The following SGCZ variants were observed in gnomAD, a reference collection of about 807,000 sequenced individuals.
SGCZ encodes sarcoglycan zeta.
In SGCZ, 40 loss-of-function variants were observed where a neutral mutation model predicts 41.3. The observed-to-expected ratio is 0.97, with a 90% confidence interval of 0.75 to 1.26. The LOEUF (loss-of-function observed/expected upper bound fraction) is 1.26. Among genes scored for constraint, SGCZ ranks in the 50% most tolerant of loss-of-function variants. The pLI, the probability that SGCZ is intolerant of heterozygous loss-of-function variation, is 0.00. For synonymous variants in SGCZ, 206 were observed against 137.5 expected, an observed-to-expected ratio of 1.50 and a Z score of -3.49; for missense variants, 552 against 369.8, an observed-to-expected ratio of 1.49 and a Z score of -4.04.
At chr8:14,729,110 C>T (rs988955795) in intron 1 of SGCZ, among the ~76,000 whole-genome samples, 1 of 152,092 alleles carries the variant, frequency 6.6e-6, no homozygotes, top group East Asian at 1.9e-4. Context: ...CCTTAAGAAA[C>T]CCATTCTATC....
chr8:14,139,115 C>G (rs1391992475), intron 5 of SGCZ, among the ~76,000 whole-genome samples: 2 of 152,018 alleles, frequency 1.3e-5, no homozygotes, highest in East Asian at 1.9e-4. Flanking sequence ...GAAATGAAGG[C>G]AGAAATAAAG....
At chr8:14,587,325 C>T (rs541868864) in intron 1 of SGCZ, among the ~76,000 whole-genome samples, 155 of 150,664 alleles carry the variant, frequency 1.0e-3, no homozygotes, top group African/African-American at 3.5e-3. Context: ...TTGTAAAATG[C>T]GTTCCACGAA....
At chr8:15,109,539 T>G (rs1359077795) in intron 1 of SGCZ, among the ~76,000 whole-genome samples, 1 of 152,126 alleles carries the variant, frequency 6.6e-6, no homozygotes, top group Non-Finnish European at 1.5e-5. Context: ...AATTGCAAAT[T>G]TGAATAACAT....
At chr8:14,092,334 G>C (rs190118166) in intron 7 of SGCZ, among the ~76,000 whole-genome samples, 124 of 152,090 alleles carry the variant, frequency 8.2e-4, no homozygotes, top group Non-Finnish European at 1.7e-3. Context: ...ATTTAAAGTA[G>C]TTTTTTCCAG....
intron 2 of SGCZ, among the ~76,000 whole-genome samples, chr8:14,448,950 A>G (rs1800512923): frequency 6.6e-6 from 1 of 152,238 alleles, no homozygotes; most frequent in Non-Finnish European, 1.5e-5. Context: ...AAGATTAATG[A>G]GAATGACCAC....
chr8:14,618,802 T>C (rs1806190415), intron 1 of SGCZ, among the ~76,000 whole-genome samples: 2 of 152,110 alleles, frequency 1.3e-5, no homozygotes, highest in African/African-American at 4.8e-5. Context: ...AATTTTAAGA[T>C]GGACTGAAAG....
Position 14,980,185 on chromosome 8 carries a change from G to A in SGCZ, c.39+257400C>T, listed in dbSNP as rs555706731. ...CTATGGTGGATGTAAGGAAGGAAAC[G>A]ATCACTAGCTTAAAATGAAATGTTT... On this transcript the variant is annotated intron_variant, in intron 1 of 7. Transcript: ENST00000382080. 1.1e-4 allele frequency among the ~76,000 whole-genome samples: 17 copies of A among 152,240 alleles called. No individual in the cohort carries two copies. In the East Asian group the frequency reaches 2.7e-3, roughly 24 times the overall value.
chr8:14,845,252 T>G (rs546372169), intron 1 of SGCZ, among the ~76,000 whole-genome samples: 1 of 152,102 alleles, frequency 6.6e-6, no homozygotes, highest in African/African-American at 2.4e-5. Context: ...CACAGATGCA[T>G]CTTGTCTCAG....
chr8:14,829,949 C>A (rs544926953), intron 1 of SGCZ, among the ~76,000 whole-genome samples: 94 of 152,150 alleles, frequency 6.2e-4, no homozygotes, highest in African/African-American at 2.1e-3. Flanking sequence ...GTAGCTGGGA[C>A]TACAGGCGAC....
chr8:14,146,227 A>C (rs1167033511), intron 5 of SGCZ, among the ~76,000 whole-genome samples: 1 of 152,310 alleles, frequency 6.6e-6, no homozygotes, highest in East Asian at 1.9e-4. Flanking sequence ...GAGCTCCAAC[A>C]GGTCTGGCAG....
chr8:14,332,099 A>G (rs969295639), intron 2 of SGCZ, among the ~76,000 whole-genome samples: 1 of 152,148 alleles, frequency 6.6e-6, no homozygotes, highest in African/African-American at 2.4e-5. Context: ...CAAAGAACAT[A>G]TATAATTGCT....
intron 1 of SGCZ, among the ~76,000 whole-genome samples, chr8:15,193,838 C>A (rs10090635): frequency 0.02 from 3,053 of 152,204 alleles, 97 homozygotes; most frequent in African/African-American, 0.07. Context: ...TCACAAACCA[C>A]GTTCTACTTA....
intron 2 of SGCZ, among the ~76,000 whole-genome samples, chr8:14,336,245 A>G (rs1465944641): frequency 6.6e-6 from 1 of 152,154 alleles, no homozygotes; most frequent in Non-Finnish European, 1.5e-5. Flanking sequence ...AGGACATGAT[A>G]TCATTCTTAT....
chr8:14,324,031 A>C (rs1427217387), intron 3 of SGCZ, 72 bp downstream of exon 3: 34 of 980,608 alleles, frequency 3.5e-5, no homozygotes, highest in Non-Finnish European at 5.2e-5. Context: ...AGGGGATTCT[A>C]CCCTGCTATT....
intron 1 of SGCZ, among the ~76,000 whole-genome samples, chr8:14,692,610 C>T (rs117472949): frequency 6.6e-6 from 1 of 152,112 alleles, no homozygotes; most frequent in Non-Finnish European, 1.5e-5. Flanking sequence ...AAAGCAACTG[C>T]TTTGTGGAGA....
chr8:14,906,263 T>C (rs768984107), intron 1 of SGCZ, among the ~76,000 whole-genome samples: 2 of 152,170 alleles, frequency 1.3e-5, no homozygotes, highest in African/African-American at 2.4e-5. Flanking sequence ...ATGAGGATCA[T>C]AATAGCTTTG....
chr8:14,730,577 T>A (rs1157583164), intron 1 of SGCZ, among the ~76,000 whole-genome samples: 1 of 148,796 alleles, frequency 6.7e-6, no homozygotes, highest in Non-Finnish European at 1.5e-5. Context: ...GAATCCTAAG[T>A]ATTTAATATT....
At chr8:15,106,329 T>G (rs2131090936) in intron 1 of SGCZ, among the ~76,000 whole-genome samples, 1 of 152,196 alleles carries the variant, frequency 6.6e-6, no homozygotes, top group Middle Eastern at 3.6e-3. Flanking sequence ...ATTTACATAT[T>G]AACACTATTG....
chr8:15,218,142 G>A (rs938888399), intron 1 of SGCZ, among the ~76,000 whole-genome samples: 1 of 151,976 alleles, frequency 6.6e-6, no homozygotes, highest in Non-Finnish European at 1.5e-5. Context: ...TTCTTTGTGG[G>A]TTGAGAGGAA....
Sources: gnomAD v4.1 joint callset for allele counts (sites outside exome capture counted in the v4.1 genomes callset) on GRCh38, gnomAD v4.1.1 for gene constraint, MANE v1.5 for transcripts, NCBI Gene and HGNC (gene_info 2026-07-23, HGNC 2026-07-21) for gene names.